Variants in PLCE1 observed in about 807,000 individuals in gnomAD.
PLCE1 encodes 1-phosphatidylinositol 4,5-bisphosphate phosphodiesterase epsilon-1.
PLCE1 carries 119 observed loss-of-function variants against 242.8 expected under a neutral mutation model. The ratio of observed to expected loss-of-function variants is 0.49; its 90% CI spans 0.42 to 0.57. The LOEUF (loss-of-function observed/expected upper bound fraction) is 0.57. PLCE1 is among the 20% of genes least tolerant of loss of function. PLCE1 has a pLI of 0.00. For missense variants in PLCE1, 2,441 were observed against 2,788.8 expected (o/e 0.88, Z 2.81); for synonymous variants, 945 against 1,017.4 (o/e 0.93, Z 1.35).
intron 4 of PLCE1, among the ~76,000 whole-genome samples, chr10:94,222,325 G>A (rs1383384597): frequency 6.6e-6 from 1 of 151,888 alleles, no homozygotes; most frequent in African/African-American, 2.4e-5. Context: ...CCCTAGAGGA[G>A]GTAAGCTTCA....
intron 4 of PLCE1, among the ~76,000 whole-genome samples, chr10:94,179,744 G>C (rs554644650): frequency 4.7e-4 from 71 of 151,678 alleles, no homozygotes; most frequent in Non-Finnish European, 1.8e-4. Context: ...GAGCTCCAGA[G>C]ATCCACCTGC....
chr10:94,179,484 A>T (rs1490377600), intron 4 of PLCE1, among the ~76,000 whole-genome samples: 16 of 124,046 alleles, frequency 1.3e-4, no homozygotes, highest in Non-Finnish European at 5.3e-5. Context: ...CTAACCCTTC[A>T]TCTTTATCTT....
chr10:94,207,756 T>C (rs778213410), intron 4 of PLCE1, among the ~76,000 whole-genome samples: 4 of 152,194 alleles, frequency 2.6e-5, no homozygotes, highest in Non-Finnish European at 5.9e-5. Flanking sequence ...CATCTTGTTA[T>C]GCCAGAAACA....
At chr10:94,101,243 C>T (rs1282469041) in intron 2 of PLCE1, among the ~76,000 whole-genome samples, 2 of 152,134 alleles carry the variant, frequency 1.3e-5, no homozygotes. Context: ...CTCGGGGCTT[C>T]GGTGTTCTCA....
chr10:94,228,617 T>C (rs1269507319), intron 5 of PLCE1, among the ~76,000 whole-genome samples: 1 of 152,228 alleles, frequency 6.6e-6, no homozygotes, highest in South Asian at 2.1e-4. Context: ...ACTGAGATTT[T>C]TCTTTGATTC....
intron 4 of PLCE1, among the ~76,000 whole-genome samples, chr10:94,174,867 A>G (rs1489062426): frequency 6.6e-6 from 1 of 152,168 alleles, no homozygotes; most frequent in Admixed American, 6.5e-5. Context: ...CATTAATGGA[A>G]AAACTGGAGA....
At chr10:94,001,641 G>C (rs919404984) in intron 1 of PLCE1, among the ~76,000 whole-genome samples, 1 of 152,176 alleles carries the variant, frequency 6.6e-6, no homozygotes, top group African/African-American at 2.4e-5. Context: ...ATACAAATCT[G>C]GGATTAAAAT....
At chr10:94,115,885 C>T (rs1397663222) in intron 2 of PLCE1, among the ~76,000 whole-genome samples, 1 of 152,178 alleles carries the variant, frequency 6.6e-6, no homozygotes, top group Non-Finnish European at 1.5e-5. Context: ...TTTCCTGCCT[C>T]GTGTTAACTT....
intron 29 of PLCE1, among the ~76,000 whole-genome samples, chr10:94,319,698 G>T (rs2053709095): frequency 1.3e-5 from 2 of 152,124 alleles, no homozygotes; most frequent in Admixed American, 1.3e-4. Context: ...TCAAAGAAAT[G>T]ATCATGAGAC....
chr10:94,078,097 A>G (rs2044556358), intron 2 of PLCE1, among the ~76,000 whole-genome samples: 1 of 152,196 alleles, frequency 6.6e-6, no homozygotes, highest in Admixed American at 6.5e-5. Context: ...TTATTTGATT[A>G]TGGGTTACTG....
At position 93,994,228 on chromosome 10, in the gene PLCE1, G is replaced by A. The variant is rs1346434737; in HGVS notation, c.-395G>A. On this transcript the variant is annotated 5_prime_UTR_variant, in exon 1 of 33. Coordinates refer to ENST00000371380, the MANE Select transcript of PLCE1 (RefSeq NM_016341.4). ...GTCCCAGAGGGACGCTGCGCTTGGG[G>A]ACGCCGGCGAGACTCGCCAGGAGCC... Among the ~76,000 whole-genome samples, 1 of 152,230 alleles carries A rather than the reference G, an allele frequency of 6.6e-6. No individual in the cohort carries two copies. Among genetic ancestry groups the A allele is most frequent in the Non-Finnish European group, 1.5e-5 (1 of 68,030 alleles).
At chr10:94,237,499 G>T (rs865882127) in intron 7 of PLCE1, among the ~76,000 whole-genome samples, 2 of 151,892 alleles carry the variant, frequency 1.3e-5, no homozygotes, top group African/African-American at 2.4e-5. Context: ...ATTTTATCAC[G>T]TACATCCTAA....
chr10:94,232,424 T>C (rs1200499554), intron 5 of PLCE1, among the ~76,000 whole-genome samples: 1 of 152,176 alleles, frequency 6.6e-6, no homozygotes, highest in Non-Finnish European at 1.5e-5. Context: ...TCCCTGCAAC[T>C]GGGTGTCTGC....
intron 1 of PLCE1, among the ~76,000 whole-genome samples, chr10:94,000,698 G>A (rs1351154864): frequency 3.9e-5 from 6 of 152,250 alleles, no homozygotes; most frequent in African/African-American, 1.4e-4. Flanking sequence ...GCAGCTGCAG[G>A]TCTTACTTCC....
chr10:94,194,038 C>T (rs2048745368), intron 4 of PLCE1, among the ~76,000 whole-genome samples: 1 of 152,182 alleles, frequency 6.6e-6, no homozygotes, highest in Non-Finnish European at 1.5e-5. Flanking sequence ...TTACTTCACA[C>T]TGTTTTAAAG....
chr10:94,242,927 G>C (rs950636019), intron 7 of PLCE1, among the ~76,000 whole-genome samples: 2 of 152,124 alleles, frequency 1.3e-5, no homozygotes, highest in African/African-American at 2.4e-5. Context: ...TAAACAAATG[G>C]GGGAGAAGAG....
At chr10:94,326,660 A>G (rs1309654550) in intron 32 of PLCE1, among the ~76,000 whole-genome samples, 1 of 152,240 alleles carries the variant, frequency 6.6e-6, no homozygotes, top group East Asian at 1.9e-4. Flanking sequence ...TATGCCTACT[A>G]TAATGAACAT....
rs571322803 is a variant in PLCE1 at position 94,032,337 on chromosome 10, A to G, written c.1206+85A>G. 32 of 1,251,444 alleles carry G rather than the reference A, an allele frequency of 2.6e-5. No individual in the cohort carries two copies. The South Asian group carries it at 3.7e-4, about 14-fold the overall frequency. 77.5% of individuals were successfully genotyped at this position (1,251,444 alleles called of 1,614,324 possible). On this transcript the variant is annotated intron_variant, in intron 2 of 32. Transcript: ENST00000371380. ...GTCCAAATTTCCATTGTCATAATTGATGAGAAATTTTAAGATCTGTCAAAT... is the reference window on the plus strand; with the variant it reads ...GTCCAAATTTCCATTGTCATAATTGGTGAGAAATTTTAAGATCTGTCAAAT...
chr10:94,296,887 T>A (rs2052842337), intron 23 of PLCE1, among the ~76,000 whole-genome samples: 3 of 152,110 alleles, frequency 2.0e-5, no homozygotes, highest in Admixed American at 6.5e-5. Context: ...TTTCTTTTTT[T>A]TTTTGAGGCA....
Sources: allele counts gnomAD v4.1 joint callset (sites outside exome capture counted in the v4.1 genomes callset), GRCh38; gene constraint gnomAD v4.1.1; transcripts MANE v1.5; gene names NCBI Gene and HGNC (gene_info 2026-07-23, HGNC 2026-07-21).